The following FRMD5 variants were observed in gnomAD, a reference collection of about 807,000 sequenced individuals.
FRMD5 encodes FERM domain containing 5.
In FRMD5, 20 loss-of-function variants were observed where a neutral mutation model predicts 69.0. The ratio of observed to expected loss-of-function variants is 0.29; its 90% CI spans 0.20 to 0.42. The LOEUF (loss-of-function observed/expected upper bound fraction) is 0.42, where lower values mean the gene tolerates loss of function less well. FRMD5 is among the 10% of genes least tolerant of loss of function. FRMD5 has a pLI of 1.00. For synonymous variants in FRMD5, 271 were observed against 260.1 expected, an observed-to-expected ratio of 1.04 and a Z score of -0.40; for missense variants, 595 against 708.6, an observed-to-expected ratio of 0.84 and a Z score of 1.82.
chr15:43,943,089 A>G (rs1463947490), intron 1 of FRMD5, among the ~76,000 whole-genome samples: 2 of 152,090 alleles, frequency 1.3e-5, no homozygotes, highest in African/African-American at 4.8e-5. Context: ...CAAAAATACA[A>G]AATTAGCTGG....
chr15:44,060,101 G>A (rs1893030869), intron 1 of FRMD5, among the ~76,000 whole-genome samples: 1 of 152,224 alleles, frequency 6.6e-6, no homozygotes, highest in Non-Finnish European at 1.5e-5. Context: ...ATTAGAAGCA[G>A]AAGCAGAGGT....
intron 12 of FRMD5, among the ~76,000 whole-genome samples, chr15:43,884,052 G>GCA (rs2088602086): frequency 1.3e-5 from 2 of 152,200 alleles, no homozygotes; most frequent in South Asian, 4.1e-4. Context: ...TAGTGTGGCA[G>GCA]CAGTGCCACT....
chr15:43,924,343 T>C (rs1441054353), intron 1 of FRMD5, 34 bp from the exon 2 acceptor site: 1 of 1,507,142 alleles, frequency 6.6e-7, no homozygotes, highest in Non-Finnish European at 9.2e-7. Flanking sequence ...GAGAAATGAG[T>C]GGGTTTCTTC....
intron 1 of FRMD5, among the ~76,000 whole-genome samples, chr15:43,984,923 G>T (rs552797324): frequency 4.7e-4 from 72 of 151,728 alleles, no homozygotes; most frequent in African/African-American, 1.7e-3. Flanking sequence ...GGTGGAGGTT[G>T]CAGTGAGCCG....
intron 1 of FRMD5, among the ~76,000 whole-genome samples, chr15:43,955,266 G>A (rs535874221): frequency 1.7e-3 from 258 of 152,308 alleles, no homozygotes; most frequent in African/African-American, 6.1e-3. Context: ...GGTACCCAAA[G>A]AGACATCTTG....
At chr15:44,150,019 T>G (rs1232954968) in intron 1 of FRMD5, among the ~76,000 whole-genome samples, 1 of 151,732 alleles carries the variant, frequency 6.6e-6, no homozygotes, top group Non-Finnish European at 1.5e-5. Context: ...TGAAAATCAA[T>G]CAACGCAATA....
At chr15:44,192,869 C>T (rs565516254) in intron 1 of FRMD5, among the ~76,000 whole-genome samples, 2 of 152,266 alleles carry the variant, frequency 1.3e-5, no homozygotes, top group South Asian at 2.1e-4. Flanking sequence ...TGGACACTTA[C>T]TACAGTGTGG....
intron 1 of FRMD5, among the ~76,000 whole-genome samples, chr15:44,103,325 T>C (rs966358458): frequency 3.3e-5 from 5 of 152,176 alleles, no homozygotes; most frequent in Non-Finnish European, 7.4e-5. Context: ...GTAAAAGATA[T>C]AGAGGATTTT....
chr15:43,896,785 C>T (rs180949316), intron 7 of FRMD5, among the ~76,000 whole-genome samples: 15 of 152,300 alleles, frequency 9.8e-5, no homozygotes, highest in African/African-American at 3.6e-4. Context: ...TGGGCCATGA[C>T]TCAAACTAAT....
chr15:43,964,628 C>G (rs930169613), intron 1 of FRMD5, among the ~76,000 whole-genome samples: 1 of 151,768 alleles, frequency 6.6e-6, no homozygotes, highest in African/African-American at 2.4e-5. Flanking sequence ...AATGCTTTTT[C>G]TTATGTGTAA....
rs1489710903 is a variant in FRMD5, at chr15:44,098,273, T to C, written c.102+96680A>G. ...CGGGTGCAGTGGCTCACGCCTGTAA[T>C]CCTAGCACTTTGGGAGGCCAAGGCG... On this transcript the variant is annotated intron_variant, in intron 1 of 13. Transcript: ENST00000417257. Among the ~76,000 whole-genome samples, 6 of 152,116 alleles carry C rather than the reference T, an allele frequency of 3.9e-5. No individual in the cohort carries two copies. The East Asian group carries it at 5.8e-4, about 15-fold the overall frequency.
At position 44,068,471 on chromosome 15, in the gene FRMD5, A is replaced by G. The variant is rs548060848; in HGVS notation, c.102+126482T>C. Among the ~76,000 whole-genome samples the G allele has an allele frequency of 3.3e-5, 5 of 152,332 alleles. 1 individual carries two copies. In the South Asian group the frequency reaches 1.0e-3, roughly 32 times the overall value. On this transcript the variant is annotated intron_variant, in intron 1 of 13. Coordinates refer to ENST00000417257, the MANE Select transcript of FRMD5 (RefSeq NM_032892.5). ...GGATGAATCTTTAAAACATTATGCTAAATGAAAAAAGCCAGACACAAAAGG... is the reference window on the plus strand; with the variant it reads ...GGATGAATCTTTAAAACATTATGCTGAATGAAAAAAGCCAGACACAAAAGG...
At chr15:43,949,789 G>A (rs2089998711) in intron 1 of FRMD5, among the ~76,000 whole-genome samples, 1 of 151,986 alleles carries the variant, frequency 6.6e-6, no homozygotes, top group Non-Finnish European at 1.5e-5. Flanking sequence ...ACAATATCCA[G>A]GAAAATACCC....
At chr15:44,140,454 C>T (rs1294736252) in intron 1 of FRMD5, among the ~76,000 whole-genome samples, 1 of 152,026 alleles carries the variant, frequency 6.6e-6, no homozygotes, top group East Asian at 1.9e-4. Flanking sequence ...CCCGTTACCA[C>T]CACTTCTAAA....
chr15:44,189,279 T>C (rs1329482213), intron 1 of FRMD5, among the ~76,000 whole-genome samples: 1 of 152,064 alleles, frequency 6.6e-6, no homozygotes, highest in African/African-American at 2.4e-5. Flanking sequence ...GAAAGACCAA[T>C]ATAGGGGCCT....
At chr15:44,124,680 C>G (rs1458674333) in intron 1 of FRMD5, among the ~76,000 whole-genome samples, 3 of 151,960 alleles carry the variant, frequency 2.0e-5, no homozygotes, top group African/African-American at 7.3e-5. Context: ...GCCTGGGTGA[C>G]AGAGGGAGAC....
chr15:44,196,615 A>C (rs2078301834), upstream of FRMD5, among the ~76,000 whole-genome samples: 1 of 151,598 alleles, frequency 6.6e-6, no homozygotes, highest in Non-Finnish European at 1.5e-5. Flanking sequence ...GAAACTCTAC[A>C]TTAGCCTAGA....
In FRMD5 at chr15:43,874,265, G is replaced by C; in HGVS notation, c.1333C>G (p.Leu445Val). Residue 445 changes from leucine (L) to valine (V), a missense_variant, in exon 14 of 14, where the codon CTT becomes GTT. By Grantham distance (32) the Leu-to-Val change is conservative. This residue lies in a region of FRMD5 where 245 missense variants were observed against 227.1 expected (regional missense o/e 1.08). Coordinates refer to ENST00000417257, the MANE Select transcript of FRMD5 (RefSeq NM_032892.5). ...VAEHSLELMLLSRQINGATCS... is the reference protein window; with the variant it reads ...VAEHSLELMLVSRQINGATCS... ...GTGGCTCCATTGATCTGCCGGGAAA[G>C]CAACATCAGCTCCAGGCTGTGCTCA... The C allele has an allele frequency of 6.2e-7, 1 of 1,614,238 alleles. No individual in the cohort carries two copies. The highest frequency in any genetic ancestry group is 1.3e-5 in the African/African-American group (1 of 75,058).
chr15:44,156,644 T>C (rs2077533616), intron 1 of FRMD5, among the ~76,000 whole-genome samples: 1 of 152,198 alleles, frequency 6.6e-6, no homozygotes, highest in Non-Finnish European at 1.5e-5. Context: ...GGAATACCTA[T>C]TAGACCCAGA....
Sources: allele counts gnomAD v4.1 joint callset (sites outside exome capture counted in the v4.1 genomes callset), GRCh38; gene constraint gnomAD v4.1.1; regional missense constraint gnomAD v4.1.1; transcripts MANE v1.5; gene names NCBI Gene and HGNC (gene_info 2026-07-23, HGNC 2026-07-21).